Variants in JADE3 observed in about 807,000 individuals in gnomAD.
The protein encoded by JADE3 is protein Jade-3.
JADE3 carries 2 observed loss-of-function variants against 50.1 expected under a neutral mutation model. The observed-to-expected ratio is 0.04, with a 90% CI of 0.02 to 0.13. The LOEUF is 0.13. JADE3 is among the 10% of genes least tolerant of loss of function. The pLI is 1.00. For synonymous variants in JADE3, 218 were observed against 232.9 expected (o/e 0.94, Z 0.58); for missense variants, 475 against 634.4 (o/e 0.75, Z 2.70).
intron 1 of JADE3, among the ~76,000 whole-genome samples, chrX:46,951,167 C>T (rs1303467720): frequency 9.3e-6 from 1 of 107,301 alleles, no homozygotes; most frequent in Admixed American, 9.9e-5. Flanking sequence ...CAACCTCCGC[C>T]TCCCGGGTTC....
intron 4 of JADE3, among the ~76,000 whole-genome samples, chrX:47,009,799 A>G (rs1928516685): frequency 9.2e-6 from 1 of 108,275 alleles, no homozygotes; most frequent in Non-Finnish European, 1.9e-5. Context: ...TAATTTTTGT[A>G]TCTTTTGTAG....
intron 8 of JADE3, among the ~76,000 whole-genome samples, chrX:47,051,117 G>T (rs1295630545): frequency 9.0e-6 from 1 of 110,647 alleles, no homozygotes; most frequent in Non-Finnish European, 1.9e-5. Context: ...GGAAAGTGGA[G>T]GGGGAGGTGT....
intron 3 of JADE3, among the ~76,000 whole-genome samples, chrX:46,996,155 G>A (rs1289170368): frequency 1.8e-5 from 2 of 111,898 alleles, no homozygotes; most frequent in East Asian, 5.6e-4. Context: ...TCCTGCCTCA[G>A]CCTCCCAAGT....
chrX:46,923,353 CT>C (rs782690828), intron 1 of JADE3, among the ~76,000 whole-genome samples: 147 of 87,096 alleles, frequency 1.7e-3, no homozygotes, highest in African/African-American at 5.6e-3. Context: ...TTTTGTTTTG[CT>C]GTGGGTACCA....
Position 46,982,100 on chromosome X carries a change from T to TA in JADE3, c.-11-2783dup, listed in dbSNP as rs200778521. 8.4e-3 allele frequency among the ~76,000 whole-genome samples: 935 copies of TA among 111,649 alleles called. 41 individuals carry two copies. The highest frequency in any genetic ancestry group is 0.075 in the Admixed American group (781 of 10,460). On this transcript the variant is annotated intron_variant, in intron 1 of 10. Transcript: ENST00000614628. ...TCACTTTTCCTTTTGGTACTCCCAT[T>TA]ATGTATATGTTGATGAACTTAATGA...
chrX:46,919,624 T>C (rs1190470893), intron 1 of JADE3, among the ~76,000 whole-genome samples: 2 of 111,450 alleles, frequency 1.8e-5, no homozygotes, highest in East Asian at 2.8e-4. Context: ...AGTAACACTT[T>C]CCACATAACT....
intron 8 of JADE3, among the ~76,000 whole-genome samples, chrX:47,052,589 G>C (rs1556372469): frequency 1.2e-5 from 1 of 86,571 alleles, no homozygotes; most frequent in Non-Finnish European, 2.1e-5. Context: ...AGCCGAGATT[G>C]TGCCACTGCC....
chrX:46,990,083 G>T (rs1404201835), intron 3 of JADE3, among the ~76,000 whole-genome samples: 1 of 108,825 alleles, frequency 9.2e-6, no homozygotes, highest in African/African-American at 3.4e-5. Flanking sequence ...GAGACTTTCT[G>T]TTTTTTGTTT....
Position 47,060,251 on chromosome X carries a change from G to T in JADE3, c.*1174G>T. The T allele has an allele frequency of 9.5e-6, 1 of 105,693 alleles. No homozygotes were observed. Among genetic ancestry groups the T allele is most frequent in the Non-Finnish European group, 1.9e-5 (1 of 51,387 alleles). 8.7% of individuals were successfully genotyped at this position (105,693 alleles called of 1,213,427 possible). ...AATTACATTTGCGGGGGGGGGGGTGGATAAAAACATGTCTGCTTCTCATTT... is the reference window on the plus strand; with the variant it reads ...AATTACATTTGCGGGGGGGGGGGTGTATAAAAACATGTCTGCTTCTCATTT... On this transcript the variant is annotated 3_prime_UTR_variant, in exon 11 of 11. Coordinates refer to ENST00000614628, the MANE Select transcript of JADE3 (RefSeq NM_014735.5).
At chrX:46,917,799 G>GTCTCTC (rs57067547) in intron 1 of JADE3, among the ~76,000 whole-genome samples, 3,245 of 62,445 alleles carry the variant, frequency 0.052, 377 homozygotes, top group African/African-American at 0.21. Flanking sequence ...TGGGAGGTCT[G>GTCTCTC]TCTCTCTCTC....
intron 1 of JADE3, among the ~76,000 whole-genome samples, chrX:46,932,679 T>C (rs1339327340): frequency 6.2e-5 from 7 of 112,122 alleles, no homozygotes; most frequent in African/African-American, 2.3e-4. Context: ...TTGGTTTTGA[T>C]GCTGTGCTAG....
chrX:47,003,993 C>T (rs1928355786), intron 4 of JADE3, among the ~76,000 whole-genome samples: 1 of 107,619 alleles, frequency 9.3e-6, no homozygotes, highest in Admixed American at 1.0e-4. Context: ...GGCACCACCT[C>T]AAGCTCAGTA....
Position 46,998,103 on chromosome X carries a change from G to A in JADE3, c.127-17G>A, listed in dbSNP as rs1602401253. On this transcript the variant is annotated splice_polypyrimidine_tract_variant and intron_variant, in intron 3 of 10. Coordinates refer to ENST00000614628, the MANE Select transcript of JADE3 (RefSeq NM_014735.5). ...CATAGTGATGGTCTTCTCAAGATAT[G>A]TGCAATATCTTTCCAGGTATTCCGG... is the stretch of plus-strand genomic sequence containing the variant. 4 of 1,184,909 alleles carry A rather than the reference G, an allele frequency of 3.4e-6. No homozygotes were observed. Among genetic ancestry groups the A allele is most frequent in the Non-Finnish European group, 4.6e-6 (4 of 874,569 alleles).
intron 1 of JADE3, among the ~76,000 whole-genome samples, chrX:46,971,648 T>C: frequency 9.4e-6 from 1 of 106,172 alleles, no homozygotes; most frequent in Non-Finnish European, 1.9e-5. Flanking sequence ...TACAAAAAAT[T>C]AGCCGGGCGT....
At chrX:47,054,133 C>T in intron 8 of JADE3, 25 bp from the exon 9 acceptor site, 1 of 1,081,093 alleles carries the variant, frequency 9.2e-7, no homozygotes, top group Non-Finnish European at 1.3e-6. Flanking sequence ...ACTCTGCTAC[C>T]TTGACACCTA....
intron 1 of JADE3, among the ~76,000 whole-genome samples, chrX:46,926,644 C>T (rs1230336841): frequency 2.7e-5 from 3 of 112,335 alleles, no homozygotes; most frequent in Non-Finnish European, 5.6e-5. Flanking sequence ...CAAAAAATTC[C>T]TTTGTGCTGA....
rs1350479722 is a variant in JADE3 at position 47,054,347 on chromosome X, G to A, written c.1162G>A (p.Ala388Thr). 3 of 1,209,016 alleles carry A rather than the reference G, an allele frequency of 2.5e-6. No homozygotes were observed. In the African/African-American group the frequency reaches 5.3e-5, roughly 21 times the overall value. The change falls in exon 9 of 11, where the codon GCC (alanine) becomes ACC (threonine). Residue 388 changes from alanine to threonine, a missense_variant. Transcript: ENST00000614628. ...CCACAGGGCTAAAGAGCAGAGCCAG[G>A]CCAAAAGTGAGAAAACCAGCCTGCG... ...PHHRAKEQSQ[A>T]KSEKTSLRAQ... is the part of the protein sequence containing the mutation.
intron 1 of JADE3, among the ~76,000 whole-genome samples, chrX:46,970,131 G>A (rs989362723): frequency 2.7e-5 from 3 of 112,498 alleles, no homozygotes; most frequent in African/African-American, 6.5e-5. Flanking sequence ...TGGGATTTTT[G>A]TAAGTTCTCC....
chrX:47,041,867 A>C (rs782059005), intron 8 of JADE3, among the ~76,000 whole-genome samples: 10 of 105,786 alleles, frequency 9.5e-5, no homozygotes, highest in Non-Finnish European at 1.9e-4. Flanking sequence ...AGTAGAGATG[A>C]GATTTCACCA....
Sources: gnomAD v4.1 joint callset for allele counts (sites outside exome capture counted in the v4.1 genomes callset) on GRCh38, gnomAD v4.1.1 for gene constraint, MANE v1.5 for transcripts, NCBI Gene and HGNC (gene_info 2026-07-23, HGNC 2026-07-21) for gene names.